PHEX: variants seen among roughly 807,000 people sequenced by gnomAD.
PHEX encodes the protein phosphate regulating endopeptidase X-linked.
PHEX carries 16 observed loss-of-function variants against 68.0 expected under a neutral mutation model. The observed-to-expected ratio is 0.24, with a 90% confidence interval of 0.16 to 0.36. The LOEUF (loss-of-function observed/expected upper bound fraction) is 0.36. Ranked by LOEUF, PHEX falls within the 10% of genes least tolerant of loss-of-function variation. PHEX has a pLI of 1.00. For synonymous variants in PHEX, 208 were observed against 205.1 expected (o/e 1.01, Z -0.12); for missense variants, 480 against 575.5 (o/e 0.83, Z 1.70).
At chrX:22,244,014 C>G (rs1461924319) in intron 20 of PHEX, among the ~76,000 whole-genome samples, 1 of 112,102 alleles carries the variant, frequency 8.9e-6, no homozygotes, top group Admixed American at 9.4e-5. Context: ...TTCACAATAG[C>G]AAAGACTGGG....
At chrX:22,058,324 G>A (rs1438451503) in intron 3 of PHEX, among the ~76,000 whole-genome samples, 1 of 112,412 alleles carries the variant, frequency 8.9e-6, no homozygotes, top group Admixed American at 9.4e-5. Context: ...TCTACACATG[G>A]TTCAATAAAT....
At chrX:22,207,738 A>C (rs1934756862) in intron 15 of PHEX, among the ~76,000 whole-genome samples, 1 of 111,739 alleles carries the variant, frequency 8.9e-6, no homozygotes, top group South Asian at 3.7e-4. Context: ...CTAATTCTCA[A>C]ATTTATTTAA....
At chrX:22,140,642 C>G (rs112857087) in intron 12 of PHEX, among the ~76,000 whole-genome samples, 1 of 109,404 alleles carries the variant, frequency 9.1e-6, no homozygotes, top group African/African-American at 3.3e-5. Context: ...CCACCATGCC[C>G]GGCTAATTTT....
At position 22,249,790 on chromosome X, in the gene PHEX, A is replaced by G. The variant is rs1329432322; in HGVS notation, c.*1837A>G. The G allele has an allele frequency of 1.8e-5, 2 of 109,900 alleles. No individual in the cohort carries two copies. Among genetic ancestry groups the G allele is most frequent in the East Asian group, 2.9e-4 (1 of 3,507 alleles). 9.1% of individuals were successfully genotyped at this position (109,900 alleles called of 1,213,427 possible). On this transcript the variant is annotated 3_prime_UTR_variant, in exon 22 of 22. Coordinates refer to ENST00000379374, the MANE Select transcript of PHEX (RefSeq NM_000444.6). ...CTGACTTGGTTTAGACATATAAGAT[A>G]CTCTGTTTTATTCCTGGACTTGGGT...
chrX:22,242,813 A>G (rs771568416), intron 20 of PHEX, among the ~76,000 whole-genome samples: 5 of 112,327 alleles, frequency 4.5e-5, no homozygotes, highest in Non-Finnish European at 7.5e-5. Flanking sequence ...TTCCATGCTC[A>G]TGGATAGGAA....
At chrX:22,105,489 G>T (rs1168484122) in intron 9 of PHEX, among the ~76,000 whole-genome samples, 1 of 111,918 alleles carries the variant, frequency 8.9e-6, no homozygotes, top group Non-Finnish European at 1.9e-5. Context: ...GAAGCTGCTG[G>T]CTCAGGGACA....
intron 15 of PHEX, among the ~76,000 whole-genome samples, chrX:22,202,498 C>T (rs757732781): frequency 1.8e-5 from 2 of 112,026 alleles, no homozygotes; most frequent in African/African-American, 6.5e-5. Flanking sequence ...TTTCCAGTAA[C>T]AACAAATGAG....
At chrX:22,128,624 A>C (rs1196817883) in intron 11 of PHEX, among the ~76,000 whole-genome samples, 1 of 111,534 alleles carries the variant, frequency 9.0e-6, no homozygotes, top group Non-Finnish European at 1.9e-5. Flanking sequence ...GAGAGTGCTT[A>C]TTTTTTTGAT....
chrX:22,059,855 A>G (rs1487445202), intron 3 of PHEX, among the ~76,000 whole-genome samples: 1 of 112,041 alleles, frequency 8.9e-6, no homozygotes, highest in Non-Finnish European at 1.9e-5. Context: ...TTATGAGGAT[A>G]TTAGATGAAA....
chrX:22,132,566 T>C (rs1932055664), intron 11 of PHEX, among the ~76,000 whole-genome samples: 1 of 112,034 alleles, frequency 8.9e-6, no homozygotes, highest in Admixed American at 9.5e-5. Flanking sequence ...GTGATTCATA[T>C]TGGTGAAGTG....
intron 3 of PHEX, among the ~76,000 whole-genome samples, chrX:22,075,733 G>T (rs1299147326): frequency 9.0e-6 from 1 of 111,648 alleles, no homozygotes; most frequent in Non-Finnish European, 1.9e-5. Context: ...TTCCAGGTGG[G>T]CCTATGTCTG....
chrX:22,043,128 T>C, intron 2 of PHEX, among the ~76,000 whole-genome samples: 1 of 112,941 alleles, frequency 8.9e-6, no homozygotes, highest in Non-Finnish European at 1.9e-5. Context: ...ATTTATTTTC[T>C]AAAATCTGAA....
intron 5 of PHEX, 145 bp from the exon 6 acceptor site, chrX:22,090,284 T>C: frequency 5.9e-6 from 3 of 509,620 alleles, no homozygotes; most frequent in Non-Finnish European, 1.1e-5. Flanking sequence ...TATTTGCATG[T>C]AATTCTGAGT....
intron 9 of PHEX, among the ~76,000 whole-genome samples, chrX:22,106,615 CA>C (rs1260650888): frequency 2.4e-4 from 26 of 107,642 alleles, no homozygotes; most frequent in African/African-American, 6.8e-4. Flanking sequence ...ACCAAAAATA[CA>C]AAAAAAAATG....
At chrX:22,149,677 C>A (rs945723612) in intron 12 of PHEX, among the ~76,000 whole-genome samples, 2 of 112,082 alleles carry the variant, frequency 1.8e-5, no homozygotes, top group Admixed American at 9.4e-5. Context: ...TCGCTTGAAC[C>A]TGGGAGGCGG....
chrX:22,160,583 C>A (rs1175436787), intron 12 of PHEX, among the ~76,000 whole-genome samples: 1 of 107,172 alleles, frequency 9.3e-6, no homozygotes, highest in African/African-American at 3.4e-5. Context: ...AAAAAGAAAG[C>A]AAGCATGTGC....
At chrX:22,034,229 C>T (rs1926916372) in intron 1 of PHEX, among the ~76,000 whole-genome samples, 1 of 111,974 alleles carries the variant, frequency 8.9e-6, no homozygotes, top group Non-Finnish European at 1.9e-5. Flanking sequence ...TGCTGAAATT[C>T]CAAACAAGAG....
chrX:22,220,259 C>T (rs1569431600), intron 17 of PHEX, among the ~76,000 whole-genome samples: 1 of 111,592 alleles, frequency 9.0e-6, no homozygotes, highest in Non-Finnish European at 1.9e-5. Flanking sequence ...GTAGTATCTC[C>T]AACATCCTTC....
At chrX:22,191,899 G>A (rs1934210457) in intron 15 of PHEX, among the ~76,000 whole-genome samples, 1 of 112,241 alleles carries the variant, frequency 8.9e-6, no homozygotes, top group African/African-American at 3.2e-5. Context: ...ATATTAACAT[G>A]GATGAATTTC....
Sources: allele counts gnomAD v4.1 joint callset (sites outside exome capture counted in the v4.1 genomes callset), GRCh38; gene constraint gnomAD v4.1.1; transcripts MANE v1.5; gene names NCBI Gene and HGNC (gene_info 2026-07-23, HGNC 2026-07-21).